Variants in CAGE1 observed in about 807,000 individuals in gnomAD.
CAGE1 encodes cancer antigen 1, also known as cancer-associated gene 1 protein.
CAGE1 carries 66 observed loss-of-function variants against 94.9 expected under a neutral mutation model. That is an observed-to-expected ratio of 0.70 (90% CI 0.57 to 0.85). The LOEUF (loss-of-function observed/expected upper bound fraction) is 0.85, where lower values mean the gene tolerates loss of function less well. Among genes scored for constraint, CAGE1 ranks in the 40% least tolerant of loss-of-function variants. CAGE1 has a pLI of 0.00. For missense variants in CAGE1, 865 were observed against 950.4 expected, an observed-to-expected ratio of 0.91 and a Z score of 1.18; for synonymous variants, 319 against 321.0, an observed-to-expected ratio of 0.99 and a Z score of 0.07.
Position 7,379,030 on chromosome 6 carries a change from AAG to A in CAGE1, c.284-12_284-11del. 2.0e-6 allele frequency: 3 copies of A among 1,473,300 alleles called. No individual in the cohort carries two copies. Among genetic ancestry groups the A allele is most frequent in the Non-Finnish European group, 1.8e-6 (2 of 1,113,420 alleles). 91.3% of individuals were successfully genotyped at this position (1,473,300 alleles called of 1,614,324 possible). ...TTTTCAATGTTGTTATCTCATAAGA[AAG>A]AGAAAGAAGGAAATAAAAACGAGTA... On this transcript the variant is annotated splice_polypyrimidine_tract_variant and intron_variant, in intron 3 of 13. Transcript: ENST00000502583.
chr6:7,368,563 A>G (rs1383256714), intron 7 of CAGE1, 125 bp downstream of exon 7: 13 of 540,540 alleles, frequency 2.4e-5, no homozygotes, highest in Non-Finnish European at 3.5e-5. Flanking sequence ...GCACAGTAAA[A>G]CTAATCTGGT....
intron 11 of CAGE1, among the ~76,000 whole-genome samples, chr6:7,335,237 A>G (rs1758912818): frequency 6.6e-6 from 1 of 152,216 alleles, no homozygotes; most frequent in Non-Finnish European, 1.5e-5. Flanking sequence ...CCGCAACTCA[A>G]GATGTAATCA....
At chr6:7,333,642 C>CTATATATATATA (rs773887819) in intron 12 of CAGE1, among the ~76,000 whole-genome samples, 16 of 121,502 alleles carry the variant, frequency 1.3e-4, no homozygotes, top group South Asian at 2.7e-4. Flanking sequence ...ATCTAACTAT[C>CTATATATATATA]TATATATATA....
chr6:7,360,820 G>A (rs921352168), intron 9 of CAGE1, among the ~76,000 whole-genome samples: 3 of 152,024 alleles, frequency 2.0e-5, no homozygotes, highest in Admixed American at 6.6e-5. Context: ...GGTAGTGCAC[G>A]CCTGTATTCT....
chr6:7,387,656 G>A (rs1218868869), intron 1 of CAGE1, among the ~76,000 whole-genome samples: 1 of 151,874 alleles, frequency 6.6e-6, no homozygotes, highest in Non-Finnish European at 1.5e-5. Context: ...AACTGGACTT[G>A]TCTTGGCATC....
chr6:7,375,223 A>T (rs919039430), intron 4 of CAGE1, among the ~76,000 whole-genome samples: 1 of 151,898 alleles, frequency 6.6e-6, no homozygotes, highest in Non-Finnish European at 1.5e-5. Context: ...ATCCTGGCCA[A>T]CATGGTGAAA....
chr6:7,362,186 G>A lies in CAGE1; in HGVS notation c.2193+3282C>T, dbSNP rs759186095. Reference sequence around the variant, plus strand: ...ATAATAAGTTAGGTAAATGTTTTACGTAATATATGATTGCCATATTGAAGT... The same window carrying A: ...ATAATAAGTTAGGTAAATGTTTTACATAATATATGATTGCCATATTGAAGT... On this transcript the variant is annotated intron_variant, in intron 9 of 13. Coordinates refer to ENST00000502583, the MANE Select transcript of CAGE1 (RefSeq NM_001170692.2). The surrounding 1 kb of genome is among the most constrained non-coding windows in gnomAD (Gnocchi z 4.1). Among the ~76,000 whole-genome samples the A allele has an allele frequency of 1.8e-4, 27 of 152,302 alleles. No individual in the cohort carries two copies. Among genetic ancestry groups the A allele is most frequent in the Admixed American group, 8.5e-4 (13 of 15,290 alleles).
intron 5 of CAGE1, among the ~76,000 whole-genome samples, chr6:7,372,103 G>A (rs1760555525): frequency 6.6e-6 from 1 of 152,104 alleles, no homozygotes; most frequent in South Asian, 2.1e-4. Context: ...GTTTTGCCTT[G>A]TAAACCAAAC....
chr6:7,333,672 A>G (rs1270346431), intron 12 of CAGE1, among the ~76,000 whole-genome samples: 9 of 76,662 alleles, frequency 1.2e-4, no homozygotes, highest in South Asian at 3.8e-4. Context: ...ATATATATAT[A>G]TACATTTTTT....
chr6:7,369,003 T>A lies in CAGE1; in HGVS notation c.1894-205A>T, dbSNP rs151249782. Among the ~76,000 whole-genome samples the A allele has an allele frequency of 5.6e-3, 797 of 143,538 alleles. 6 individuals carry two copies. The highest frequency in any genetic ancestry group is 0.018 in the Middle Eastern group (5 of 278). The allele number at this position is 143,538 out of a possible 152,430, so 94.2% of individuals were successfully genotyped here. ...TAGTACAGAAAGATTTCATTTTTTT[T>A]ATTTTAATTTTTTTTTTTTTTTTGA... On this transcript the variant is annotated intron_variant, in intron 6 of 13. Coordinates refer to ENST00000502583, the MANE Select transcript of CAGE1 (RefSeq NM_001170692.2).
At position 7,385,831 on chromosome 6, in the gene CAGE1, G is replaced by A. The variant is rs1315084479; in HGVS notation, c.237C>T (p.Ser79=). ...TGCCATAAGCATCTTCACAAAGTGT[G>A]GATTCATACTCATTTTCCCTTTCAA... ...KNFERENEYE[S]TLCEDAYGTL... The change falls in exon 3 of 14, where the codon TCC becomes TCT. Residue 79 remains serine, a synonymous_variant. Transcript: ENST00000502583. 5 of 1,542,494 alleles carry A rather than the reference G, an allele frequency of 3.2e-6. No individual in the cohort carries two copies. Among genetic ancestry groups the A allele is most frequent in the Non-Finnish European group, 3.5e-6 (4 of 1,143,486 alleles).
intron 9 of CAGE1, among the ~76,000 whole-genome samples, chr6:7,358,379 T>TA (rs1236655922): frequency 6.6e-6 from 1 of 152,166 alleles, no homozygotes; most frequent in Non-Finnish European, 1.5e-5. Context: ...ATCCCTTTTT[T>TA]ATGACTGAGG....
chr6:7,339,392 A>G lies in CAGE1; in HGVS notation c.2370-5302T>C. 1 of 1,603,002 alleles carries G rather than the reference A, an allele frequency of 6.2e-7. No individual in the cohort carries two copies. The highest frequency in any genetic ancestry group is 8.5e-7 in the Non-Finnish European group (1 of 1,170,946). ...CCCGAATCCGCCGGCCCTTCTCACC[A>G]AGAACATTCTGTGTTCTGGTGGCTA... On this transcript the variant is annotated intron_variant, in intron 11 of 13. Transcript: ENST00000502583. The surrounding 1 kb of genome is among the most constrained non-coding windows in gnomAD (Gnocchi z 4.7).
At chr6:7,353,557 AG>A (rs1759853480) in intron 11 of CAGE1, among the ~76,000 whole-genome samples, 1 of 152,190 alleles carries the variant, frequency 6.6e-6, no homozygotes, top group Non-Finnish European at 1.5e-5. Context: ...ATCTACCCAG[AG>A]GAACATAAGT....
intron 9 of CAGE1, among the ~76,000 whole-genome samples, chr6:7,358,027 G>T (rs2764078): frequency 0.03 from 1,439 of 47,970 alleles, 75 homozygotes; most frequent in South Asian, 0.076. Flanking sequence ...TAAGTTTTGA[G>T]ATATATATAT....
At chr6:7,349,315 T>G (rs962069234) in intron 11 of CAGE1, among the ~76,000 whole-genome samples, 2 of 152,054 alleles carry the variant, frequency 1.3e-5, no homozygotes, top group East Asian at 3.9e-4. Context: ...AAACTAAGCA[T>G]TATATATGAA....
At chr6:7,376,433 T>TAAATAAATAAAA (rs1489964752) in intron 4 of CAGE1, among the ~76,000 whole-genome samples, 49 of 144,616 alleles carry the variant, frequency 3.4e-4, no homozygotes, top group Middle Eastern at 3.5e-3. Context: ...AATAAATAAA[T>TAAATAAATAAAA]AAAATAAAAG....
chr6:7,356,945 C>T (rs534648383), intron 9 of CAGE1, among the ~76,000 whole-genome samples: 10 of 152,062 alleles, frequency 6.6e-5, no homozygotes, highest in Middle Eastern at 3.4e-3. Flanking sequence ...TACAGGTGTG[C>T]GCCACCACGC....
At chr6:7,387,239 G>T in intron 1 of CAGE1, 43 bp from the exon 2 acceptor site, 2 of 1,133,252 alleles carry the variant, frequency 1.8e-6, no homozygotes, top group Non-Finnish European at 2.5e-6. Flanking sequence ...TAAACAAAAA[G>T]TTTTTTCCCT....
Sources: allele counts gnomAD v4.1 joint callset (sites outside exome capture counted in the v4.1 genomes callset), GRCh38; gene constraint gnomAD v4.1.1; non-coding constraint Gnocchi (gnomAD v3.1); transcripts MANE v1.5; gene names NCBI Gene and HGNC (gene_info 2026-07-23, HGNC 2026-07-21).